Variants in DDX5 observed in about 807,000 individuals in gnomAD.
DDX5 encodes the protein probable ATP-dependent RNA helicase DDX5.
DDX5 carries 6 observed loss-of-function variants against 68.6 expected under a neutral mutation model. The observed-to-expected ratio is 0.09, with a 90% confidence interval of 0.05 to 0.17. The LOEUF (loss-of-function observed/expected upper bound fraction) is 0.17. Ranked by LOEUF, DDX5 falls within the 10% of genes least tolerant of loss-of-function variation. The pLI, the probability that DDX5 is intolerant of heterozygous loss-of-function variation, is 1.00. For synonymous variants in DDX5, 350 were observed against 247.0 expected (o/e 1.42, Z -3.91); for missense variants, 499 against 756.1 (o/e 0.66, Z 3.99).
Position 64,504,708 on chromosome 17 carries a change from T to A in DDX5, c.179A>T (p.Gln60Leu), listed in dbSNP as rs782345346. ...ELPKFEKNFY[Q>L]EHPDLARRTA... ...GCGCCTAGCCAAATCAGGGTGCTCT[T>A]GATAAAAATTCTTCTCAAATTTAGG... is the stretch of plus-strand genomic sequence containing the variant. The change falls in exon 2 of 13, where the codon CAA becomes CTA. Residue 60 changes from glutamine (Q) to leucine (L), a missense_variant. By Grantham distance (113) the Gln-to-Leu change is moderately radical. Around this residue, in one of 5 missense-constraint regions of DDX5, gnomAD observed 140 missense variants for 135.7 expected, o/e 1.03. Coordinates refer to ENST00000225792, the MANE Select transcript of DDX5 (RefSeq NM_004396.5). 6.2e-7 allele frequency: 1 copy of A among 1,613,724 alleles called. No individual in the cohort carries two copies. Among genetic ancestry groups the A allele is most frequent in the East Asian group, 2.2e-5 (1 of 44,902 alleles).
rs1370140795 is a variant in DDX5 at position 64,498,944 on chromosome 17, T to C, written c.*979A>G. ...GTTTTTTCCTTGTGTTGAGTATGAA[T>C]AGACCTTACAGTTTGAGGATCTCTA... On this transcript the variant is annotated 3_prime_UTR_variant, in exon 13 of 13. Transcript: ENST00000225792. Among the ~76,000 whole-genome samples, 1 of 152,224 alleles carries C rather than the reference T, an allele frequency of 6.6e-6. No individual in the cohort carries two copies. Among genetic ancestry groups the C allele is most frequent in the Non-Finnish European group, 1.5e-5 (1 of 68,038 alleles).
chr17:64,504,590 A>C, intron 2 of DDX5, 87 bp downstream of exon 2: 1 of 1,442,158 alleles, frequency 6.9e-7, no homozygotes, highest in Non-Finnish European at 9.4e-7. Flanking sequence ...ACCAAAATTG[A>C]GTTATTTGCA....
chr17:64,505,619 T>C, intron 1 of DDX5: 1 of 1,029,180 alleles, frequency 9.7e-7, no homozygotes, highest in Admixed American at 2.0e-5. Flanking sequence ...CATTTTGTAC[T>C]CGCGACTCAG....
chr17:64,500,514 C>A (rs368754592), intron 12 of DDX5, 35 bp downstream of exon 12: 11 of 1,586,194 alleles, frequency 6.9e-6, no homozygotes, highest in Admixed American at 3.5e-5. Context: ...CGATGTGACT[C>A]GTAACTACCA....
rs558962478 is a variant in DDX5 at position 64,506,273 on chromosome 17, G to A, written c.-154C>T. The A allele has an allele frequency of 1.4e-5, 21 of 1,536,364 alleles. No individual in the cohort carries two copies. The highest frequency in any genetic ancestry group is 2.5e-5 in the East Asian group (1 of 40,714). On this transcript the variant is annotated 5_prime_UTR_variant, in exon 1 of 13. Transcript: ENST00000225792. ...GCCGAAGCTGCACTACTAGAGACCG[G>A]TAGAAATGAATGAGGTGCCGGCCGC... is the stretch of plus-strand genomic sequence containing the variant.
At chr17:64,500,486 A>G in intron 12 of DDX5, 63 bp downstream of exon 12, 1 of 1,554,046 alleles carries the variant, frequency 6.4e-7, no homozygotes, top group South Asian at 1.1e-5. Context: ...AATACCATTT[A>G]AATGGATTTG....
In DDX5 at chr17:64,506,108, A is replaced by G. The variant is rs1555672497; in HGVS notation, c.12T>C (p.Tyr4=). Residue 4 remains tyrosine, a synonymous_variant, in exon 1 of 13, where the codon TAT becomes TAC. Coordinates refer to ENST00000225792, the MANE Select transcript of DDX5 (RefSeq NM_004396.5). The part of the protein sequence containing the change: MSG[Y]SSDRDRGRDR... ...CCCGGCCGCGGTCTCGGTCACTCGAATAACCCGACATGGCGTCAATGGTTG... is the reference window on the plus strand; with the variant it reads ...CCCGGCCGCGGTCTCGGTCACTCGAGTAACCCGACATGGCGTCAATGGTTG... The G allele has an allele frequency of 6.2e-7, 1 of 1,611,440 alleles. No individual in the cohort carries two copies. Among genetic ancestry groups the G allele is most frequent in the South Asian group, 1.1e-5 (1 of 90,386 alleles).
intron 1 of DDX5, chr17:64,505,752 G>GAT: frequency 6.5e-7 from 1 of 1,536,170 alleles, no homozygotes; most frequent in East Asian, 2.4e-5. Context: ...GCACCTAACA[G>GAT]ATGTTCCTTC....
Position 64,500,648 on chromosome 17 carries a change from T to C in DDX5, c.1342A>G (p.Asn448Asp). ...AGGTCGCTCACTTGCTTTATGTTAT[T>C]AGGTGTAAAGAAAGTGTATGCTGTG... ...TGTAYTFFTP[N>D]NIKQVSDLIS... The change falls in exon 12 of 13, where the codon AAT becomes GAT. Residue 448 changes from asparagine (N) to aspartate (D), a missense_variant. Asn to Asp is a conservative substitution (Grantham distance 23, BLOSUM62 1). This residue lies in a region of DDX5 where 21 missense variants were observed against 37.6 expected (regional missense o/e 0.56). Transcript: ENST00000225792. The C allele has an allele frequency of 6.2e-7, 1 of 1,614,190 alleles. No homozygotes were observed. The highest frequency in any genetic ancestry group is 8.5e-7 in the Non-Finnish European group (1 of 1,180,012).
Position 64,500,201 on chromosome 17 carries a change from T to C in DDX5, c.1567A>G (p.Lys523Glu), listed in dbSNP as rs1555670775. Residue 523 changes from lysine to glutamate, a missense_variant, in exon 13 of 13, where the codon AAA (lysine) becomes GAA (glutamate). By Grantham distance (56) the Lys-to-Glu change is moderately conservative. Transcript: ENST00000225792. ...TGAGTTTTTGCCCCAAAATCTCTTT[T>C]AAGCAGGCTAGAGTAACCTCTGTCA... Reference protein sequence around the residue: ...NYDRGYSSLLKRDFGAKTQNG... With the variant: ...NYDRGYSSLLERDFGAKTQNG... The C allele has an allele frequency of 4.3e-6, 7 of 1,614,212 alleles. No individual in the cohort carries two copies. Among genetic ancestry groups the C allele is most frequent in the Non-Finnish European group, 5.9e-6 (7 of 1,180,024 alleles).
In DDX5 at chr17:64,500,026, A is replaced by G; in HGVS notation, c.1742T>C (p.Val581Ala). The G allele has an allele frequency of 6.2e-7, 1 of 1,614,228 alleles. No individual in the cohort carries two copies. Among genetic ancestry groups the G allele is most frequent in the Non-Finnish European group, 8.5e-7 (1 of 1,180,038 alleles). Residue 581 changes from valine to alanine, a missense_variant, in exon 13 of 13, where the codon GTT becomes GCT. Physicochemically the swap from Val to Ala is moderately conservative, Grantham distance 64 (BLOSUM62 0). Transcript: ENST00000225792. ...GTTCATACCATTGTGCATATTTGGA[A>G]CATTACTTCCGTATTGCTGAGTGCT... is the stretch of plus-strand genomic sequence containing the variant. Reference protein sequence around the residue: ...YDSTQQYGSNVPNMHNGMNQQ... With the variant: ...YDSTQQYGSNAPNMHNGMNQQ...
At chr17:64,506,806 G>A, upstream of DDX5, 1 of 570,906 alleles carries the variant, frequency 1.8e-6, no homozygotes, top group Middle Eastern at 4.8e-4. Flanking sequence ...CGGCTGATGT[G>A]GACCGTCCGA....
Position 64,500,249 on chromosome 17 carries a change from T to C in DDX5, c.1519A>G (p.Thr507Ala). ...TCATAATTTTCCCTGTCTCTAAAGGTATTAAATCCACCCCTTTTGCCCGCA... is the reference window on the plus strand; with the variant it reads ...TCATAATTTTCCCTGTCTCTAAAGGCATTAAATCCACCCCTTTTGCCCGCA... ...YSAGKRGGFN[T>A]FRDRENYDRG... Residue 507 changes from threonine to alanine, a missense_variant, in exon 13 of 13, where the codon ACC becomes GCC. Transcript: ENST00000225792. 1.2e-6 allele frequency: 2 copies of C among 1,614,162 alleles called. No homozygotes were observed. Among genetic ancestry groups the C allele is most frequent in the Non-Finnish European group, 1.7e-6 (2 of 1,180,014 alleles).
rs1444228152 is a variant in DDX5 at position 64,503,629 on chromosome 17, CTTA to C, written c.508-61_508-59del. On this transcript the variant is annotated intron_variant, in intron 5 of 12. Transcript: ENST00000225792. The stretch of plus-strand genomic sequence containing the variant: ...CTGGATACTAGTTTTAAACTGCTAA[CTTA>C]TTATACTAGCAGATCCTTTCTTCAT... 8 of 1,594,174 alleles carry C rather than the reference CTTA, an allele frequency of 5.0e-6. No individual in the cohort carries two copies. The East Asian group carries it at 6.7e-5, about 13-fold the overall frequency.
upstream of DDX5, chr17:64,506,537 C>A: frequency 1.7e-6 from 1 of 573,502 alleles, no homozygotes; most frequent in Non-Finnish European, 2.7e-6. Context: ...TTCCACACCT[C>A]AAGCAAGCCA....
rs1555671431 is a variant in DDX5, at chr17:64,503,170, A to T, written c.810+18T>A. On this transcript the variant is annotated intron_variant, in intron 7 of 12. Coordinates refer to ENST00000225792, the MANE Select transcript of DDX5 (RefSeq NM_004396.5). ...AAAACACAATTCAGTTTGATCACAT[A>T]TTTCAAAGGACACTTACTCTTATTT... 1.2e-6 allele frequency: 2 copies of T among 1,613,542 alleles called. No homozygotes were observed.
chr17:64,506,042 C>G, intron 1 of DDX5, 34 bp downstream of exon 1: 3 of 1,556,310 alleles, frequency 1.9e-6, no homozygotes, highest in Non-Finnish European at 2.6e-6. Flanking sequence ...ATCCCCCCAC[C>G]CGCCAGGCCT....
intron 1 of DDX5, 26 bp from the exon 2 acceptor site, chr17:64,504,868 C>T (rs782177212): frequency 6.9e-6 from 11 of 1,586,996 alleles, no homozygotes; most frequent in East Asian, 4.5e-5. Flanking sequence ...ACGTTATTCA[C>T]ATTTTCAAAT....
At chr17:64,505,287 T>G (rs2038429448) in intron 1 of DDX5, 1 of 308,586 alleles carries the variant, frequency 3.2e-6, no homozygotes, top group African/African-American at 2.2e-5. Flanking sequence ...GGTAAGAACC[T>G]AAACAGTACA....
Sources: gnomAD v4.1 joint callset for allele counts (sites outside exome capture counted in the v4.1 genomes callset) on GRCh38, gnomAD v4.1.1 for gene constraint, gnomAD v4.1.1 regional missense constraint, MANE v1.5 for transcripts, NCBI Gene and HGNC (gene_info 2026-07-23, HGNC 2026-07-21) for gene names.